The following KDM2A variants were observed in gnomAD, a reference collection of about 807,000 sequenced individuals.
KDM2A encodes lysine demethylase 2A.
Under a neutral mutation model 137.3 loss-of-function variants are expected in KDM2A, and 3 were observed. The ratio of observed to expected loss-of-function variants is 0.02; its 90% CI spans 0.01 to 0.06. The LOEUF is 0.06. Among genes scored for constraint, KDM2A ranks in the 10% least tolerant of loss-of-function variants. KDM2A has a pLI of 1.00. For missense variants in KDM2A, 738 were observed against 1,510.6 expected (o/e 0.49, Z 8.48); for synonymous variants, 512 against 541.5 (o/e 0.95, Z 0.76).
At chr11:67,146,502 T>C (rs769290359) in intron 2 of KDM2A, among the ~76,000 whole-genome samples, 1 of 151,894 alleles carries the variant, frequency 6.6e-6, no homozygotes, top group Non-Finnish European at 1.5e-5. Flanking sequence ...TTCTCTCTCT[T>C]TGTCTGTCTT....
chr11:67,253,731 C>T (rs998406645), intron 19 of KDM2A, 120 bp downstream of exon 19: 2 of 1,046,222 alleles, frequency 1.9e-6, no homozygotes, highest in African/African-American at 3.2e-5. Flanking sequence ...TAGAAGAGCA[C>T]AAAATGAAAA....
chr11:67,180,383 T>C (rs1590753744), intron 3 of KDM2A, 166 bp downstream of exon 3: 1 of 571,444 alleles, frequency 1.7e-6, no homozygotes, highest in East Asian at 3.1e-5. Flanking sequence ...CCCCCAGTCC[T>C]CCCACCCTGT....
chr11:67,179,469 C>G (rs754563375), intron 2 of KDM2A, among the ~76,000 whole-genome samples: 7 of 152,162 alleles, frequency 4.6e-5, no homozygotes, highest in Non-Finnish European at 1.0e-4. Flanking sequence ...GACATGGTTT[C>G]TCCGTGTTGG....
chr11:67,121,294 T>G lies in KDM2A; in HGVS notation c.-23T>G. ...CAGCCCTGGAGTGGTTTCTTTACAG[T>G]AATTTCAACAGAAGAGTGAGAGATG... On this transcript the variant is annotated 5_prime_UTR_variant, in exon 2 of 21. Transcript: ENST00000529006. 6.2e-7 allele frequency: 1 copy of G among 1,612,156 alleles called. No individual in the cohort carries two copies. The highest frequency in any genetic ancestry group is 8.5e-7 in the Non-Finnish European group (1 of 1,178,320).
chr11:67,185,109 G>A (rs1857174579), intron 5 of KDM2A, among the ~76,000 whole-genome samples: 1 of 152,166 alleles, frequency 6.6e-6, no homozygotes, highest in South Asian at 2.1e-4. Flanking sequence ...ATATGTGGAG[G>A]AAGTCAAGGA....
rs144761392 is a variant in KDM2A at position 67,213,160 on chromosome 11, C to G, written c.487-2180C>G. Among the ~76,000 whole-genome samples, 485 of 152,316 alleles carry G rather than the reference C, an allele frequency of 3.2e-3. 2 individuals carry two copies. Among genetic ancestry groups the G allele is most frequent in the Middle Eastern group, 6.8e-3 (2 of 294 alleles). On this transcript the variant is annotated intron_variant, in intron 6 of 20. Transcript: ENST00000529006. ...CCCACAGTTAACATCTGGGTATCCT[C>G]TAGACAACTGCTTCATATCATGCAC...
intron 6 of KDM2A, among the ~76,000 whole-genome samples, chr11:67,212,898 G>A (rs1463754066): frequency 6.6e-6 from 1 of 152,120 alleles, no homozygotes; most frequent in East Asian, 1.9e-4. Flanking sequence ...GCATTCCCAT[G>A]GACAACACAC....
At chr11:67,168,038 ACTTC>A (rs1340469508) in intron 2 of KDM2A, among the ~76,000 whole-genome samples, 2 of 152,192 alleles carry the variant, frequency 1.3e-5, no homozygotes, top group African/African-American at 2.4e-5. Flanking sequence ...CTCTTTTTAT[ACTTC>A]CTTAGGGCAT....
Position 67,255,100 on chromosome 11 carries a change from C to T in KDM2A, c.*45C>T. 1 of 1,551,446 alleles carries T rather than the reference C, an allele frequency of 6.4e-7. No individual in the cohort carries two copies. Among genetic ancestry groups the T allele is most frequent in the East Asian group, 2.4e-5 (1 of 42,530 alleles). ...CAACAGGAAACCGATCTTCCCCTGACTCCCCACCGAGGAGAGCCTCTCCTC... is the reference window on the plus strand; with the variant it reads ...CAACAGGAAACCGATCTTCCCCTGATTCCCCACCGAGGAGAGCCTCTCCTC... On this transcript the variant is annotated 3_prime_UTR_variant, in exon 21 of 21. Transcript: ENST00000529006.
intron 5 of KDM2A, chr11:67,196,489 C>T (rs745565299): frequency 2.2e-6 from 1 of 456,032 alleles, no homozygotes; most frequent in Non-Finnish European, 4.4e-6. Context: ...TGTCCATCAG[C>T]AGTGAATACT....
At chr11:67,187,681 C>A (rs1049587698) in intron 5 of KDM2A, among the ~76,000 whole-genome samples, 1 of 152,072 alleles carries the variant, frequency 6.6e-6, no homozygotes, top group Non-Finnish European at 1.5e-5. Context: ...TCAAGCGATT[C>A]TCCTGCCTCA....
intron 10 of KDM2A, among the ~76,000 whole-genome samples, chr11:67,224,958 A>T (rs10750796): frequency 2.7e-5 from 4 of 150,646 alleles, no homozygotes; most frequent in East Asian, 2.0e-4. Flanking sequence ...TCTCCTGCCC[A>T]GGCATCCCGA....
At chr11:67,196,962 G>C (rs1311812111) in intron 5 of KDM2A, 2 of 153,940 alleles carry the variant, frequency 1.3e-5, no homozygotes, top group African/African-American at 4.8e-5. Flanking sequence ...AAATATGTAA[G>C]ATCTTATTCA....
chr11:67,250,870 C>T lies in KDM2A; in HGVS notation c.2768+72C>T, dbSNP rs975764224. On this transcript the variant is annotated intron_variant, in intron 17 of 20. Coordinates refer to ENST00000529006, the MANE Select transcript of KDM2A (RefSeq NM_012308.3). This position sits in a 1 kb window ranked among gnomAD's most constrained non-coding sequence, Gnocchi z 7.1. ...TGGCAGGTTTTCCATATGAGAACAGCATGCACCTTGGCATCTGAAAGCCTG... is the reference window on the plus strand; with the variant it reads ...TGGCAGGTTTTCCATATGAGAACAGTATGCACCTTGGCATCTGAAAGCCTG... The T allele has an allele frequency of 1.7e-6, 2 of 1,150,600 alleles. No individual in the cohort carries two copies. Among genetic ancestry groups the T allele is most frequent in the Admixed American group, 4.7e-5 (2 of 42,726 alleles). The allele number at this position is 1,150,600 out of a possible 1,614,324, so 71.3% of individuals were successfully genotyped here.
intron 2 of KDM2A, among the ~76,000 whole-genome samples, chr11:67,128,033 T>A (rs980740379): frequency 6.8e-6 from 1 of 147,318 alleles, no homozygotes; most frequent in East Asian, 2.0e-4. Context: ...TTTTTTTTTT[T>A]AGGCGGGGTC....
At chr11:67,253,309 A>C in intron 18 of KDM2A, 144 bp from the exon 19 acceptor site, 5 of 733,338 alleles carry the variant, frequency 6.8e-6, no homozygotes, top group Non-Finnish European at 1.2e-5. Flanking sequence ...TACCATGGAA[A>C]TCTTTGAGCT....
intron 5 of KDM2A, among the ~76,000 whole-genome samples, chr11:67,199,299 AAAGG>A (rs1418454811): frequency 6.6e-6 from 1 of 152,190 alleles, no homozygotes; most frequent in East Asian, 1.9e-4. Context: ...TGTTCAAGTG[AAAGG>A]AAGAGTCCCA....
intron 2 of KDM2A, among the ~76,000 whole-genome samples, chr11:67,134,999 A>T (rs1023293244): frequency 6.6e-6 from 1 of 152,082 alleles, no homozygotes; most frequent in Non-Finnish European, 1.5e-5. Context: ...GCAAAGATCA[A>T]CTTATTTCGG....
Position 67,228,686 on chromosome 11 carries a change from G to GGA in KDM2A, c.1084+523_1084+524insGA, listed in dbSNP as rs1160040797. Among the ~76,000 whole-genome samples, 270 of 105,000 alleles carry GGA rather than the reference G, an allele frequency of 2.6e-3. 1 individual carries two copies. Among genetic ancestry groups the GGA allele is most frequent in the African/African-American group, 7.9e-3 (257 of 32,450 alleles). 68.9% of individuals were successfully genotyped at this position (105,000 alleles called of 152,430 possible). On this transcript the variant is annotated intron_variant, in intron 11 of 20. Transcript: ENST00000529006. ...GGGCGACAGAGTGAAACCCTGTTGC[G>GGA]AAAAAAAAAAAAAAAAAGAAAGAAA...
Sources: gnomAD v4.1 joint callset for allele counts (sites outside exome capture counted in the v4.1 genomes callset) on GRCh38, gnomAD v4.1.1 for gene constraint, Gnocchi (gnomAD v3.1) non-coding constraint, MANE v1.5 for transcripts, NCBI Gene and HGNC (gene_info 2026-07-23, HGNC 2026-07-21) for gene names.